Variants in CORO7 observed in about 807,000 individuals in gnomAD.
The protein encoded by CORO7 is coronin 7, also known as coronin-7.
In CORO7, 107 loss-of-function variants were observed where a neutral mutation model predicts 126.6. The observed-to-expected ratio is 0.85, with a 90% confidence interval of 0.72 to 0.99. The LOEUF (loss-of-function observed/expected upper bound fraction) is 0.99. CORO7 is among the 50% of genes least tolerant of loss of function. The pLI is 0.00. For synonymous variants in CORO7, 603 were observed against 536.8 expected, an observed-to-expected ratio of 1.12 and a Z score of -1.70; for missense variants, 1,314 against 1,255.8, an observed-to-expected ratio of 1.05 and a Z score of -0.70.
At chr16:4,388,205 G>T in intron 8 of CORO7, 137 bp from the exon 9 acceptor site, 1 of 1,081,808 alleles carries the variant, frequency 9.2e-7, no homozygotes, top group Non-Finnish European at 1.3e-6. Context: ...AGTGGGGGTG[G>T]GAGTCACCCC....
chr16:4,360,748 G>C (rs150969080), intron 19 of CORO7, among the ~76,000 whole-genome samples, 195 bp downstream of exon 19: 1 of 75,082 alleles, frequency 1.3e-5, no homozygotes, highest in Admixed American at 1.8e-4. Flanking sequence ...ATGCTAGCCC[G>C]GCCCCTCCTC....
chr16:4,388,101 G>A, intron 8 of CORO7, 33 bp from the exon 9 acceptor site: 1 of 1,596,750 alleles, frequency 6.3e-7, no homozygotes, highest in Non-Finnish European at 8.5e-7. Context: ...GCTCAGAGGG[G>A]CCTGTCCCTC....
chr16:4,357,279 C>A lies in CORO7; in HGVS notation c.2594-20G>T, dbSNP rs766394644. 1 of 1,598,702 alleles carries A rather than the reference C, an allele frequency of 6.3e-7. No individual in the cohort carries two copies. The highest frequency in any genetic ancestry group is 8.5e-7 in the Non-Finnish European group (1 of 1,173,374). On this transcript the variant is annotated intron_variant, in intron 25 of 27. Coordinates refer to ENST00000251166, the MANE Select transcript of CORO7 (RefSeq NM_024535.5). The stretch of plus-strand genomic sequence containing the variant: ...GGCTCACTGGGACAGAGCAAGGACA[C>A]GTGTCAGAGAGTCCCCTTCGTTAGG...
chr16:4,408,517 G>A (rs889572341), intron 3 of CORO7, among the ~76,000 whole-genome samples: 3 of 152,220 alleles, frequency 2.0e-5, no homozygotes, highest in Admixed American at 2.0e-4. Flanking sequence ...TGAGTCACCA[G>A]GCACCTGCAG....
At position 4,405,642 on chromosome 16, in the gene CORO7, G is replaced by C. The variant is rs1596335861; in HGVS notation, c.488-75C>G. The C allele has an allele frequency of 1.9e-6, 3 of 1,542,608 alleles. No individual in the cohort carries two copies. The East Asian group carries it at 7.0e-5, about 36-fold the overall frequency. Reference sequence around the variant, plus strand: ...AAGTGGGTGGGGGCGGGCCTTGCTGGGGGGAACTCCCAGAGCAAAGGCAGC... The same window carrying C: ...AAGTGGGTGGGGGCGGGCCTTGCTGCGGGGAACTCCCAGAGCAAAGGCAGC... On this transcript the variant is annotated intron_variant, in intron 5 of 27. Coordinates refer to ENST00000251166, the MANE Select transcript of CORO7 (RefSeq NM_024535.5).
chr16:4,360,944 T>C lies in CORO7; in HGVS notation c.1916A>G (p.Gln639Arg). The change falls in exon 19 of 28, where the codon CAG becomes CGG. Residue 639 changes from glutamine to arginine, a missense_variant and splice_region_variant. Physicochemically the swap from Gln to Arg is conservative, Grantham distance 43 (BLOSUM62 1). Coordinates refer to ENST00000251166, the MANE Select transcript of CORO7 (RefSeq NM_024535.5). ...DRLKLQGHQDQIFSLAWSPDG... is the reference protein window; with the variant it reads ...DRLKLQGHQDRIFSLAWSPDG... Reference sequence around the variant, plus strand: ...GCCCCACCTCTGCAGCCGTCCTACCTGGTCTTGGTGGCCCTGCAGCTTCAG... The same window carrying C: ...GCCCCACCTCTGCAGCCGTCCTACCCGGTCTTGGTGGCCCTGCAGCTTCAG... 1 of 1,610,688 alleles carries C rather than the reference T, an allele frequency of 6.2e-7. No individual in the cohort carries two copies. Among genetic ancestry groups the C allele is most frequent in the Non-Finnish European group, 8.5e-7 (1 of 1,179,940 alleles).
chr16:4,372,732 G>A (rs1190421487), intron 9 of CORO7, among the ~76,000 whole-genome samples: 1 of 152,178 alleles, frequency 6.6e-6, no homozygotes, highest in African/African-American at 2.4e-5. Flanking sequence ...CAGGCCAGCC[G>A]ATTGGTGCCA....
chr16:4,403,399 T>C (rs1326857854), intron 6 of CORO7, among the ~76,000 whole-genome samples: 1 of 152,068 alleles, frequency 6.6e-6, no homozygotes, highest in Non-Finnish European at 1.5e-5. Context: ...CCCTAGACTG[T>C]GCTGACAGGT....
chr16:4,383,498 T>C (rs2141253036), intron 9 of CORO7: 1 of 167,158 alleles, frequency 6.0e-6, no homozygotes, highest in Non-Finnish European at 1.5e-5. Context: ...GAAGGCCTTT[T>C]GTAAGAAAAA....
At chr16:4,385,859 T>G (rs1195305437) in intron 9 of CORO7, among the ~76,000 whole-genome samples, 3 of 152,242 alleles carry the variant, frequency 2.0e-5, no homozygotes, top group Non-Finnish European at 4.4e-5. Flanking sequence ...GCACACACTG[T>G]TCTGCCCAAG....
intron 10 of CORO7, among the ~76,000 whole-genome samples, 187 bp downstream of exon 10, chr16:4,365,304 T>C (rs964582196): frequency 1.3e-5 from 2 of 152,190 alleles, no homozygotes; most frequent in Non-Finnish European, 2.9e-5. Context: ...GTGCTGACTG[T>C]GTGCTGACAC....
intron 7 of CORO7, among the ~76,000 whole-genome samples, chr16:4,394,963 C>T (rs1005351965): frequency 2.6e-5 from 4 of 152,250 alleles, no homozygotes; most frequent in African/African-American, 9.6e-5. Flanking sequence ...CAGCTGGTCT[C>T]TGCTGACCGT....
chr16:4,387,283 A>G (rs1279902600), intron 9 of CORO7, among the ~76,000 whole-genome samples: 1 of 152,082 alleles, frequency 6.6e-6, no homozygotes. Context: ...CCTGAGCCGC[A>G]GTGGGCCAAG....
chr16:4,410,558 C>T (rs2056166629), intron 3 of CORO7, among the ~76,000 whole-genome samples: 2 of 152,154 alleles, frequency 1.3e-5, no homozygotes, highest in Non-Finnish European at 2.9e-5. Flanking sequence ...GTTTTAAAAC[C>T]TACTTCAAAG....
At chr16:4,405,414 G>C in intron 6 of CORO7, 77 bp downstream of exon 6, 1 of 1,500,804 alleles carries the variant, frequency 6.7e-7, no homozygotes, top group Non-Finnish European at 8.9e-7. Flanking sequence ...CAACAAGCCT[G>C]GAAGGCCCAG....
chr16:4,415,696 G>A, intron 1 of CORO7: 1 of 985,108 alleles, frequency 1.0e-6, no homozygotes, highest in Non-Finnish European at 1.2e-6. Context: ...AGTTATCGGA[G>A]GACACTCCCA....
intron 26 of CORO7, chr16:4,356,604 T>C (rs912058646): frequency 1.9e-5 from 3 of 153,902 alleles, no homozygotes; most frequent in South Asian, 2.0e-4. Flanking sequence ...GGCTAAATTT[T>C]TGTATTTTAG....
At position 4,364,844 on chromosome 16, in the gene CORO7, G is replaced by A. The variant is rs139939383; in HGVS notation, c.975C>T (p.Cys325=). The stretch of plus-strand genomic sequence containing the variant: ...TCAGCTGTAGGACGCGGAGTACCTC[G>A]CAGCTCATGACGGCCAGCGCCTGCC... ...VPRQALAVMS[C]EVLRVLQLSD... is the part of the protein sequence containing the mutation. The change falls in exon 12 of 28, where the codon TGC becomes TGT. Residue 325 remains cysteine (C), a synonymous_variant. Transcript: ENST00000251166. 107 of 1,611,994 alleles carry A rather than the reference G, an allele frequency of 6.6e-5. No individual in the cohort carries two copies. The highest frequency in any genetic ancestry group is 3.3e-4 in the Middle Eastern group (2 of 6,078).
chr16:4,384,643 G>A (rs549071377), intron 9 of CORO7, among the ~76,000 whole-genome samples: 10 of 152,346 alleles, frequency 6.6e-5, no homozygotes, highest in East Asian at 5.8e-4. Context: ...GCCCAGCCAC[G>A]CGAGGCTCTG....
Sources: gnomAD v4.1 joint callset for allele counts (sites outside exome capture counted in the v4.1 genomes callset) on GRCh38, gnomAD v4.1.1 for gene constraint, MANE v1.5 for transcripts, NCBI Gene and HGNC (gene_info 2026-07-23, HGNC 2026-07-21) for gene names.